MTRFR: variants seen among roughly 807,000 people sequenced by gnomAD.
The protein encoded by MTRFR is mitochondrial translation release factor in rescue, also known as probable peptide chain release factor C12orf65, mitochondrial.
A neutral mutation model predicts 11.9 loss-of-function variants in MTRFR; 10 were observed. The ratio of observed to expected loss-of-function variants is 0.84; its 90% CI spans 0.52 to 1.42. MTRFR has a LOEUF of 1.42. Among genes scored for constraint, MTRFR ranks in the 40% most tolerant of loss-of-function variants. MTRFR has a pLI of 0.00. For missense variants in MTRFR, 196 were observed against 197.9 expected (o/e 0.99, Z 0.06); for synonymous variants, 77 against 79.1 (o/e 0.97, Z 0.14).
intron 1 of MTRFR, among the ~76,000 whole-genome samples, chr12:123,241,432 G>A (rs1338855231): frequency 1.3e-5 from 2 of 152,056 alleles, no homozygotes; most frequent in African/African-American, 2.4e-5. Context: ...CTGCCTCCCG[G>A]GTTCAAGCAA....
At chr12:123,235,111 C>T (rs536546665) in intron 1 of MTRFR, among the ~76,000 whole-genome samples, 5 of 152,162 alleles carry the variant, frequency 3.3e-5, no homozygotes, top group Non-Finnish European at 7.4e-5. Context: ...TTCCAAAGTT[C>T]CTCAGCCTTG....
chr12:123,248,244 A>G (rs1373989573), intron 1 of MTRFR: 1 of 152,190 alleles, frequency 6.6e-6, no homozygotes, highest in Non-Finnish European at 1.5e-5. Flanking sequence ...GCTGGATACA[A>G]AATTCTTGGC....
rs773963695 is a variant in MTRFR at position 123,253,663 on chromosome 12, G to GC, written c.-10dup. On this transcript the variant is annotated 5_prime_UTR_variant, in exon 2 of 3. Transcript: ENST00000253233. ...CTAACCCAGGTCCTCAGCCAGCAGA[G>GC]CCACGTTCCTTATGAGCACCGTGGG... The GC allele has an allele frequency of 6.2e-7, 1 of 1,614,144 alleles. No individual in the cohort carries two copies. The highest frequency in any genetic ancestry group is 1.1e-5 in the South Asian group (1 of 91,064).
At chr12:123,247,391 A>G (rs943656034) in intron 1 of MTRFR, among the ~76,000 whole-genome samples, 3 of 152,206 alleles carry the variant, frequency 2.0e-5, no homozygotes, top group Non-Finnish European at 4.4e-5. Flanking sequence ...AGGCCTTATT[A>G]CCATTATATA....
intron 1 of MTRFR, among the ~76,000 whole-genome samples, chr12:123,234,190 T>C (rs1167105671): frequency 6.6e-6 from 1 of 152,176 alleles, no homozygotes; most frequent in African/African-American, 2.4e-5. Flanking sequence ...TTCAGCATAG[T>C]TAACCTTTAA....
chr12:123,241,812 AGTCT>A (rs1029714041), intron 1 of MTRFR, among the ~76,000 whole-genome samples: 14 of 152,168 alleles, frequency 9.2e-5, no homozygotes, highest in Admixed American at 9.2e-4. Context: ...CCCTGCAGAT[AGTCT>A]GTCTTGGTTT....
In MTRFR at chr12:123,257,237, G is replaced by T; in HGVS notation, c.*206G>T. On this transcript the variant is annotated 3_prime_UTR_variant, in exon 3 of 3. Transcript: ENST00000253233. ...CAAGAATAAAACTCGGCTGGGCACG[G>T]TGGACGGTGCCTCACATCTGTAATC... 1 of 543,332 alleles carries T rather than the reference G, an allele frequency of 1.8e-6. No individual in the cohort carries two copies. Among genetic ancestry groups the T allele is most frequent in the African/African-American group, 1.9e-5 (1 of 52,752 alleles). The allele number at this position is 543,332 out of a possible 1,614,324, so 33.7% of individuals were successfully genotyped here. A position where few individuals can be genotyped will look rare whatever the true frequency, so the allele number is the denominator to read the frequency against.
At chr12:123,250,437 T>C (rs1349037343) in intron 1 of MTRFR, 2 of 152,140 alleles carry the variant, frequency 1.3e-5, no homozygotes, top group East Asian at 1.9e-4. Context: ...TTGGGGGGTG[T>C]TGAAGCGTCT....
At chr12:123,248,222 ATACT>A (rs56929237) in intron 1 of MTRFR, 24,591 of 151,916 alleles carry the variant, frequency 0.16, 2,294 homozygotes, top group Middle Eastern at 0.26. Flanking sequence ...TTCATATGTG[ATACT>A]TAGTTTTGCT....
intron 2 of MTRFR, among the ~76,000 whole-genome samples, chr12:123,256,468 CCT>C (rs759962049): frequency 6.6e-6 from 1 of 152,114 alleles, no homozygotes; most frequent in Non-Finnish European, 1.5e-5. Context: ...CAGGTTTGTC[CCT>C]CTCTATAAAG....
At chr12:123,251,016 G>A (rs1272776574) in intron 1 of MTRFR, 1 of 152,306 alleles carries the variant, frequency 6.6e-6, no homozygotes, top group Non-Finnish European at 1.5e-5. Flanking sequence ...TGCTGCGGCT[G>A]CTGTAGGGAA....
chr12:123,243,437 G>A (rs1351810908), intron 1 of MTRFR, among the ~76,000 whole-genome samples: 2 of 151,958 alleles, frequency 1.3e-5, no homozygotes, highest in Non-Finnish European at 2.9e-5. Context: ...GGCTGAGGCA[G>A]GAGAATGGCG....
intron 1 of MTRFR, among the ~76,000 whole-genome samples, chr12:123,244,376 G>A (rs568414824): frequency 3.5e-4 from 53 of 152,238 alleles, no homozygotes; most frequent in Non-Finnish European, 5.6e-4. Context: ...AGGTTGCAGC[G>A]AGCCAAGATC....
At chr12:123,250,389 C>T (rs2048098584) in intron 1 of MTRFR, 1 of 152,070 alleles carries the variant, frequency 6.6e-6, no homozygotes, top group Non-Finnish European at 1.5e-5. Context: ...GGTATTTCTT[C>T]TTGGTTTGGA....
chr12:123,246,174 C>T (rs1251164712), intron 1 of MTRFR, among the ~76,000 whole-genome samples: 1 of 151,978 alleles, frequency 6.6e-6, no homozygotes, highest in African/African-American at 2.4e-5. Flanking sequence ...TCTCCTGCCT[C>T]AGCCTCCCGA....
chr12:123,236,279 T>G (rs986957332), intron 1 of MTRFR, among the ~76,000 whole-genome samples: 5 of 152,150 alleles, frequency 3.3e-5, no homozygotes, highest in Non-Finnish European at 5.9e-5. Context: ...TTTATTTGTA[T>G]TAAATACAAT....
rs780301213 is a variant in MTRFR, at chr12:123,253,644, C to T, written c.-28-3C>T. On this transcript the variant is annotated splice_polypyrimidine_tract_variant and splice_region_variant and intron_variant, in intron 1 of 2. Coordinates refer to ENST00000253233, the MANE Select transcript of MTRFR (RefSeq NM_152269.5). ...GAAAGCTCTCCTTATTCATCTAACC[C>T]AGGTCCTCAGCCAGCAGAGCCACGT... 2 of 1,613,810 alleles carry T rather than the reference C, an allele frequency of 1.2e-6. No individual in the cohort carries two copies. Among genetic ancestry groups the T allele is most frequent in the African/African-American group, 2.7e-5 (2 of 74,906 alleles).
chr12:123,234,448 G>T (rs753792999), intron 1 of MTRFR, among the ~76,000 whole-genome samples: 6 of 152,064 alleles, frequency 3.9e-5, no homozygotes, highest in Admixed American at 6.6e-5. Context: ...CAGGCTGGAG[G>T]GCAGTGGCGC....
Position 123,256,946 on chromosome 12 carries a change from A to G in MTRFR, c.416A>G (p.Gln139Arg), listed in dbSNP as rs769794305. 6.2e-7 allele frequency: 1 copy of G among 1,613,842 alleles called. No individual in the cohort carries two copies. Residue 139 changes from glutamine (Q) to arginine (R), a missense_variant, in exon 3 of 3, where the codon CAA (glutamine) becomes CGA (arginine). Gln to Arg is a conservative substitution (Grantham distance 43). Coordinates refer to ENST00000253233, the MANE Select transcript of MTRFR (RefSeq NM_152269.5). ...KEKREAAKKK[Q>R]ERKKRAKETL... ...AAACGAGAAGCGGCGAAGAAAAAAC[A>G]AGAAAGGAAAAAAAGAGCAAAGGAA...
Sources: allele counts gnomAD v4.1 joint callset (sites outside exome capture counted in the v4.1 genomes callset), GRCh38; gene constraint gnomAD v4.1.1; transcripts MANE v1.5; gene names NCBI Gene and HGNC (gene_info 2026-07-23, HGNC 2026-07-21).